The following TTLL7 variants were observed in gnomAD, a reference collection of about 807,000 sequenced individuals.
TTLL7 encodes the protein tubulin tyrosine ligase like 7.
Under a neutral mutation model 120.2 loss-of-function variants are expected in TTLL7, and 53 were observed. The observed-to-expected ratio is 0.44, with a 90% confidence interval of 0.35 to 0.55. The LOEUF is 0.55. Ranked by LOEUF, TTLL7 falls within the 20% of genes least tolerant of loss-of-function variation. TTLL7 has a pLI of 0.00. For synonymous variants in TTLL7, 353 were observed against 351.7 expected (o/e 1.00, Z -0.04); for missense variants, 803 against 1,054.7 (o/e 0.76, Z 3.31).
At chr1:83,956,057 G>C (rs1185362822) in intron 1 of TTLL7, among the ~76,000 whole-genome samples, 2 of 152,102 alleles carry the variant, frequency 1.3e-5, no homozygotes, top group Non-Finnish European at 2.9e-5. Context: ...ATCAAGCTCT[G>C]AGAAGCAAAT....
chr1:83,993,444 T>C (rs1044364464), intron 1 of TTLL7, among the ~76,000 whole-genome samples: 1 of 152,114 alleles, frequency 6.6e-6, no homozygotes, highest in Admixed American at 6.5e-5. Flanking sequence ...CTCTGCAAAA[T>C]AGGGGGTAAG....
At chr1:83,965,015 TTATC>T (rs1650325689) in intron 1 of TTLL7, among the ~76,000 whole-genome samples, 1 of 152,162 alleles carries the variant, frequency 6.6e-6, no homozygotes, top group Non-Finnish European at 1.5e-5. Flanking sequence ...CACAAAATTG[TTATC>T]TATTTCTGCC....
chr1:83,933,843 A>C, intron 8 of TTLL7, 77 bp from the exon 9 acceptor site: 1 of 1,433,722 alleles, frequency 7.0e-7, no homozygotes, highest in Admixed American at 2.0e-5. Flanking sequence ...GGGGCCCACA[A>C]ACTGGCAGCC....
Position 83,907,480 on chromosome 1 carries a change from A to G in TTLL7, c.1968T>C (p.Asp656=). 1 of 1,612,976 alleles carries G rather than the reference A, an allele frequency of 6.2e-7. No homozygotes were observed. Among genetic ancestry groups the G allele is most frequent in the South Asian group, 1.1e-5 (1 of 91,030 alleles). ...SYMRHLPHSN[D]ACSTNSQVSE... ...CCACTTGAGAGTTGGTAGAGCAGGC[A>G]TCATTACTGTGAGGCAGATGCCTCA... The change falls in exon 16 of 21, where the codon GAT becomes GAC. Residue 656 remains aspartate (D), a synonymous_variant. Transcript: ENST00000260505.
chr1:83,892,358 GAA>G (rs1491292946), intron 18 of TTLL7, among the ~76,000 whole-genome samples: 4 of 126,750 alleles, frequency 3.2e-5, no homozygotes, highest in South Asian at 2.5e-4. Flanking sequence ...GAATATATAT[GAA>G]TATATATACG....
At chr1:83,874,435 T>C (rs1653724947) in intron 20 of TTLL7, among the ~76,000 whole-genome samples, 1 of 152,090 alleles carries the variant, frequency 6.6e-6, no homozygotes, top group African/African-American at 2.4e-5. Flanking sequence ...TCTGTGAACA[T>C]TGGTATACAA....
intron 20 of TTLL7, among the ~76,000 whole-genome samples, chr1:83,871,182 AT>A (rs1429928607): frequency 1.3e-5 from 2 of 151,750 alleles, no homozygotes; most frequent in African/African-American, 2.4e-5. Context: ...CGCCCAGCTA[AT>A]TTTTTTCTTT....
intron 1 of TTLL7, among the ~76,000 whole-genome samples, chr1:83,973,416 C>T (rs1048213266): frequency 2.6e-4 from 40 of 151,988 alleles, no homozygotes; most frequent in African/African-American, 8.9e-4. Flanking sequence ...CTATTTTGTC[C>T]TATTGATCTA....
chr1:83,956,590 G>T (rs562505443), intron 1 of TTLL7, among the ~76,000 whole-genome samples: 1 of 152,110 alleles, frequency 6.6e-6, no homozygotes, highest in East Asian at 1.9e-4. Context: ...ACCACACCTG[G>T]CTAATTGTTT....
At chr1:83,907,976 T>C (rs74382455) in intron 15 of TTLL7, among the ~76,000 whole-genome samples, 6,352 of 152,178 alleles carry the variant, frequency 0.042, 157 homozygotes, top group Middle Eastern at 0.099. Flanking sequence ...TTATGGAGCA[T>C]ATTCTATAAG....
Position 83,951,950 on chromosome 1 carries a change from A to G in TTLL7, c.52T>C (p.Leu18=). The G allele has an allele frequency of 6.2e-7, 1 of 1,609,704 alleles. No individual in the cohort carries two copies. The change falls in exon 3 of 21, where the codon TTG becomes CTG. Residue 18 remains leucine (L), a synonymous_variant. Coordinates refer to ENST00000260505, the MANE Select transcript of TTLL7 (RefSeq NM_024686.6). ...CTTTGATAAGGTAATTCTGTATTCA[A>G]ATCCAGGGGAGAGGGTCCCTGAATA... is the stretch of plus-strand genomic sequence containing the variant. ...GVIQGPSPLD[L]NTELPYQSTM... is the part of the protein sequence containing the mutation.
intron 1 of TTLL7, among the ~76,000 whole-genome samples, chr1:83,960,849 C>T (rs575436101): frequency 2.6e-4 from 39 of 152,202 alleles, no homozygotes; most frequent in Admixed American, 6.5e-4. Context: ...AACATTGCCA[C>T]CACTCATTGT....
At chr1:83,978,313 T>C (rs898590343) in intron 1 of TTLL7, among the ~76,000 whole-genome samples, 2 of 152,160 alleles carry the variant, frequency 1.3e-5, no homozygotes, top group Non-Finnish European at 2.9e-5. Context: ...TTCCCAATCC[T>C]TTTTAGCTAG....
intron 9 of TTLL7, among the ~76,000 whole-genome samples, chr1:83,931,764 G>A (rs754542995): frequency 6.6e-6 from 1 of 152,020 alleles, no homozygotes; most frequent in Non-Finnish European, 1.5e-5. Flanking sequence ...ATGAAAATTT[G>A]TGCAATTCTG....
At chr1:83,908,517 GGTT>G (rs1186742967) in intron 15 of TTLL7, among the ~76,000 whole-genome samples, 1 of 151,880 alleles carries the variant, frequency 6.6e-6, no homozygotes, top group Non-Finnish European at 1.5e-5. Flanking sequence ...GGATCTATAG[GGTT>G]GTTATCAGAA....
Position 83,865,847 on chromosome 1 carries a change from G to T in TTLL7, c.*4115C>A, listed in dbSNP as rs986547404. ...TTTCTTGAGGCTTTGTTAATACAAA[G>T]GTCAAAATTTCACCTTTGAACTAAA... On this transcript the variant is annotated 3_prime_UTR_variant, in exon 21 of 21. Coordinates refer to ENST00000260505, the MANE Select transcript of TTLL7 (RefSeq NM_024686.6). The T allele has an allele frequency of 1.3e-5, 2 of 151,802 alleles. No homozygotes were observed. Among genetic ancestry groups the T allele is most frequent in the Non-Finnish European group, 2.9e-5 (2 of 67,816 alleles). 9.4% of individuals were successfully genotyped at this position (151,802 alleles called of 1,614,324 possible). A position where few individuals can be genotyped will look rare whatever the true frequency, so the allele number is the denominator to read the frequency against.
At chr1:83,922,667 ACT>A (rs1658781069) in intron 10 of TTLL7, among the ~76,000 whole-genome samples, 1 of 151,562 alleles carries the variant, frequency 6.6e-6, no homozygotes, top group Non-Finnish European at 1.5e-5. Flanking sequence ...AATGCAAGAA[ACT>A]CAGCTTCTCA....
intron 1 of TTLL7, among the ~76,000 whole-genome samples, chr1:83,955,358 T>C (rs1649415821): frequency 6.6e-6 from 1 of 152,172 alleles, no homozygotes; most frequent in Non-Finnish European, 1.5e-5. Flanking sequence ...CCTCCAAAAT[T>C]CATGTTGAAA....
chr1:83,877,346 A>G (rs1654010344), intron 20 of TTLL7, among the ~76,000 whole-genome samples: 1 of 151,906 alleles, frequency 6.6e-6, no homozygotes, highest in Admixed American at 6.6e-5. Flanking sequence ...TTCCTTTGCC[A>G]TAATGTCTTG....
Sources: gnomAD v4.1 joint callset for allele counts (sites outside exome capture counted in the v4.1 genomes callset) on GRCh38, gnomAD v4.1.1 for gene constraint, MANE v1.5 for transcripts, NCBI Gene and HGNC (gene_info 2026-07-23, HGNC 2026-07-21) for gene names.